Variants in AKAP19 observed in about 807,000 individuals in gnomAD.
AKAP19 encodes small A-kinase anchoring protein.
the AKAP19 span, among the ~76,000 whole-genome samples, chr2:190,078,020 A>G: frequency 5.3e-5 from 8 of 152,196 alleles, no homozygotes; most frequent in Non-Finnish European, 1.2e-4. Context: ...TGGCTCATGA[A>G]GTTTCTTTCA....
chr2:189,904,511 C>T, the AKAP19 span, among the ~76,000 whole-genome samples: 1 of 151,894 alleles, frequency 6.6e-6, no homozygotes, highest in African/African-American at 2.4e-5. Flanking sequence ...GAAAAGGGTA[C>T]GTTACTGGAT....
the AKAP19 span, among the ~76,000 whole-genome samples, chr2:190,007,411 G>C: frequency 6.6e-6 from 1 of 152,052 alleles, no homozygotes. Context: ...TTTTTTGATT[G>C]ATTAATCAAG....
At chr2:190,063,095 A>G in the AKAP19 span, among the ~76,000 whole-genome samples, 1 of 152,114 alleles carries the variant, frequency 6.6e-6, no homozygotes, top group African/African-American at 2.4e-5. Context: ...TTACTTCCTC[A>G]AAAACTAAAA....
the AKAP19 span, among the ~76,000 whole-genome samples, chr2:190,088,827 C>T: frequency 3.3e-5 from 5 of 152,214 alleles, no homozygotes; most frequent in Non-Finnish European, 7.3e-5. Flanking sequence ...GACATCTTTA[C>T]ATTCTGGTAA....
At chr2:189,972,444 A>C in the AKAP19 span, among the ~76,000 whole-genome samples, 2 of 152,232 alleles carry the variant, frequency 1.3e-5, no homozygotes, top group Non-Finnish European at 2.9e-5. Flanking sequence ...CTTTTGGCTT[A>C]GGATTGTCTT....
At chr2:189,980,703 A>G in the AKAP19 span, among the ~76,000 whole-genome samples, 1 of 152,156 alleles carries the variant, frequency 6.6e-6, no homozygotes, top group Non-Finnish European at 1.5e-5. Context: ...TGTATCCTGA[A>G]ACTTTACTGA....
At chr2:189,894,922 A>G in the AKAP19 span, among the ~76,000 whole-genome samples, 2 of 151,694 alleles carry the variant, frequency 1.3e-5, no homozygotes, top group Non-Finnish European at 2.9e-5. Context: ...ACCAATTACA[A>G]TTTAGAAAAT....
the AKAP19 span, among the ~76,000 whole-genome samples, chr2:190,101,199 G>C: frequency 1.3e-5 from 2 of 152,190 alleles, no homozygotes; most frequent in African/African-American, 4.8e-5. Context: ...GCTTGCTCTG[G>C]AGTGAGATAG....
At chr2:190,105,873 G>T in the AKAP19 span, among the ~76,000 whole-genome samples, 1 of 152,180 alleles carries the variant, frequency 6.6e-6, no homozygotes, top group Non-Finnish European at 1.5e-5. Context: ...ATTCCTTGGG[G>T]TTAGGGCCCT....
chr2:190,177,588 G>A, the AKAP19 span, among the ~76,000 whole-genome samples: 2 of 152,232 alleles, frequency 1.3e-5, no homozygotes, highest in Middle Eastern at 3.2e-3. This position sits in a 1 kb window ranked among gnomAD's most constrained non-coding sequence, Gnocchi z 4.6. Flanking sequence ...TCTCCCAGAG[G>A]TGCAAGCTCT....
the AKAP19 span, among the ~76,000 whole-genome samples, chr2:190,036,428 G>T: frequency 6.6e-6 from 1 of 152,126 alleles, no homozygotes; most frequent in Non-Finnish European, 1.5e-5. Flanking sequence ...AAATGAAGCT[G>T]CCTCTAAAGA....
At chr2:189,968,388 C>T in the AKAP19 span, among the ~76,000 whole-genome samples, 4 of 152,064 alleles carry the variant, frequency 2.6e-5, no homozygotes, top group East Asian at 5.8e-4. Flanking sequence ...CAGGCAAGTA[C>T]GACTATGCCT....
At chr2:189,923,622 GTGTGAAACGATC>G in the AKAP19 span, 1 of 1,614,116 alleles carries the variant, frequency 6.2e-7, no homozygotes, top group Non-Finnish European at 8.5e-7. Flanking sequence ...GGAAAAGCAG[GTGTGAAACGATC>G]TGCAGCGGAG....
At chr2:190,178,158 G>A in the AKAP19 span, among the ~76,000 whole-genome samples, 1 of 152,190 alleles carries the variant, frequency 6.6e-6, no homozygotes, top group Non-Finnish European at 1.5e-5. The surrounding 1 kb of genome is among the most constrained non-coding windows in gnomAD (Gnocchi z 6.3). Flanking sequence ...TGAGGACAGA[G>A]GGGCAGAAAT....
chr2:190,090,248 C>G, the AKAP19 span, among the ~76,000 whole-genome samples: 1 of 152,134 alleles, frequency 6.6e-6, no homozygotes, highest in South Asian at 2.1e-4. Flanking sequence ...GCGAAGAAAG[C>G]CTTCTATACA....
At chr2:190,018,645 G>A in the AKAP19 span, among the ~76,000 whole-genome samples, 1 of 151,990 alleles carries the variant, frequency 6.6e-6, no homozygotes, top group African/African-American at 2.4e-5. Context: ...CTTCATTTCT[G>A]CAGGGTCTAT....
the AKAP19 span, among the ~76,000 whole-genome samples, chr2:189,981,341 C>G: frequency 6.6e-6 from 1 of 151,192 alleles, no homozygotes; most frequent in African/African-American, 2.4e-5. Flanking sequence ...CTAGCCACCC[C>G]CACTTATTTA....
At chr2:189,938,012 T>G in the AKAP19 span, among the ~76,000 whole-genome samples, 1 of 152,154 alleles carries the variant, frequency 6.6e-6, no homozygotes, top group African/African-American at 2.4e-5. Flanking sequence ...GGAACCTAAG[T>G]GTTTATCAAC....
At chr2:189,885,001 C>G in the AKAP19 span, among the ~76,000 whole-genome samples, 1 of 152,164 alleles carries the variant, frequency 6.6e-6, no homozygotes, top group Non-Finnish European at 1.5e-5. Context: ...TTATGGCTCT[C>G]TATTTGGGAA....
Sources: allele counts gnomAD v4.1 joint callset (sites outside exome capture counted in the v4.1 genomes callset), GRCh38; gene constraint gnomAD v4.1.1; non-coding constraint Gnocchi (gnomAD v3.1); transcripts MANE v1.5; gene names NCBI Gene and HGNC (gene_info 2026-07-23, HGNC 2026-07-21).